COL3A1: variants seen among roughly 807,000 people sequenced by gnomAD.
COL3A1 encodes the protein collagen alpha-1(III) chain.
COL3A1 carries 46 observed loss-of-function variants against 200.9 expected under a neutral mutation model. The observed-to-expected ratio is 0.23, with a 90% CI of 0.18 to 0.29. The LOEUF (loss-of-function observed/expected upper bound fraction) is 0.29. Ranked by LOEUF, COL3A1 falls within the 10% of genes least tolerant of loss-of-function variation. The probability of loss-of-function intolerance (pLI) is 1.00; values close to 1 mark genes in which losing one functional copy is unlikely to be tolerated. For synonymous variants in COL3A1, 650 were observed against 628.0 expected (o/e 1.03, Z -0.52); for missense variants, 1,367 against 1,917.6 (o/e 0.71, Z 5.36).
intron 41 of COL3A1, 115 bp from the exon 42 acceptor site, chr2:189,006,091 C>A (rs989495727): frequency 1.8e-6 from 2 of 1,093,328 alleles, no homozygotes; most frequent in Admixed American, 2.0e-5. Context: ...TTTCTTACCC[C>A]CAAGAACCAA....
chr2:188,989,306 G>A (rs767085891), intron 7 of COL3A1, 90 bp from the exon 8 acceptor site: 1 of 885,370 alleles, frequency 1.1e-6, no homozygotes, highest in East Asian at 2.7e-5. Context: ...TCTAAAAGGA[G>A]GTTCCTTCCA....
At chr2:188,976,500 A>C (rs978406865) in intron 1 of COL3A1, among the ~76,000 whole-genome samples, 1 of 152,150 alleles carries the variant, frequency 6.6e-6, no homozygotes, top group African/African-American at 2.4e-5. Context: ...AAGACAGTAC[A>C]TCTTATGTTC....
chr2:188,974,683 G>A lies in COL3A1; in HGVS notation c.79+115G>A, dbSNP rs905026098. The A allele has an allele frequency of 6.1e-6, 5 of 820,502 alleles. No homozygotes were observed. The African/African-American group carries it at 8.4e-5, about 14-fold the overall frequency. The allele number at this position is 820,502 out of a possible 1,614,324, so 50.8% of individuals were successfully genotyped here. ...TGATTCAAGATAATTTCCTCTATAA[G>A]CTCCAGATTGTGAAACGTTGAACTG... On this transcript the variant is annotated intron_variant, in intron 1 of 50. Transcript: ENST00000304636.
chr2:189,000,813 C>T (rs943252847), intron 32 of COL3A1, among the ~76,000 whole-genome samples: 1 of 151,850 alleles, frequency 6.6e-6, no homozygotes, highest in Non-Finnish European at 1.5e-5. Flanking sequence ...AAGTCAAAAA[C>T]AAAACAAAAA....
Position 188,974,493 on chromosome 2 carries a change from A to T in COL3A1, c.4A>T (p.Met2Leu). Residue 2 changes from methionine (M) to leucine (L), a missense_variant, in exon 1 of 51, where the codon ATG (methionine) becomes TTG (leucine). Met to Leu is a conservative substitution (Grantham distance 15, BLOSUM62 2). Coordinates refer to ENST00000304636, the MANE Select transcript of COL3A1 (RefSeq NM_000090.4). ...GTCTCATGTCTGATATTTAGACATG[A>T]TGAGCTTTGTGCAAAAGGGGAGCTG... is the stretch of plus-strand genomic sequence containing the variant. M[M>L]SFVQKGSWLL... The T allele has an allele frequency of 6.2e-7, 1 of 1,613,556 alleles. No individual in the cohort carries two copies. The highest frequency in any genetic ancestry group is 8.5e-7 in the Non-Finnish European group (1 of 1,179,530).
chr2:188,990,889 T>C (rs1576463519), intron 10 of COL3A1, 115 bp from the exon 11 acceptor site: 9 of 1,007,414 alleles, frequency 8.9e-6, no homozygotes, highest in Non-Finnish European at 1.1e-5. Context: ...TTATTTAAGC[T>C]AATTTTGCAA....
At position 189,010,806 on chromosome 2, in the gene COL3A1, G is replaced by C; in HGVS notation, c.4170G>C (p.Leu1390=). The change falls in exon 50 of 51, where the codon CTG becomes CTC. Residue 1390 remains leucine, a synonymous_variant. Coordinates refer to ENST00000304636, the MANE Select transcript of COL3A1 (RefSeq NM_000090.4). The part of the protein sequence containing the change: ...DQASGNVKKA[L]KLMGSNEGEF... ...CCAGTGGAAATGTAAAGAAGGCCCT[G>C]AAGCTGATGGGGTCAAATGAAGGTG... 1 of 1,614,144 alleles carries C rather than the reference G, an allele frequency of 6.2e-7. No homozygotes were observed. Among genetic ancestry groups the C allele is most frequent in the Non-Finnish European group, 8.5e-7 (1 of 1,180,008 alleles).
intron 1 of COL3A1, among the ~76,000 whole-genome samples, chr2:188,983,687 A>G (rs1269782306): frequency 6.6e-6 from 1 of 151,930 alleles, no homozygotes; most frequent in African/African-American, 2.4e-5. Flanking sequence ...GACATTTTAA[A>G]TATCTTGGCT....
intron 34 of COL3A1, 52 bp downstream of exon 34, chr2:189,001,641 GC>G: frequency 6.3e-7 from 1 of 1,594,432 alleles, no homozygotes; most frequent in African/African-American, 1.3e-5. Context: ...ACAGACAGTA[GC>G]TACTTATGCT....
chr2:188,992,989 A>C (rs1438065694), intron 15 of COL3A1, 49 bp downstream of exon 15: 1 of 1,561,022 alleles, frequency 6.4e-7, no homozygotes, highest in Non-Finnish European at 8.8e-7. Context: ...TGGAGGCAAG[A>C]GAAAAGCATT....
rs1290472258 is a variant in COL3A1 at position 188,994,989 on chromosome 2, T to C, written c.1456-57T>C. On this transcript the variant is annotated intron_variant, in intron 20 of 50. Transcript: ENST00000304636. This position sits in a 1 kb window ranked among gnomAD's most constrained non-coding sequence, Gnocchi z 4.5. ...CATAAAAATATTTGCCACTCAAGAA[T>C]TATGAAAAAGAATTGAAATCCTTTG... 3 of 1,592,668 alleles carry C rather than the reference T, an allele frequency of 1.9e-6. No homozygotes were observed. The highest frequency in any genetic ancestry group is 2.6e-6 in the Non-Finnish European group (3 of 1,160,464).
rs61735537 is a variant in COL3A1, at chr2:189,010,265, G to A, written c.3911G>A (p.Ser1304Asn). The A allele has an allele frequency of 1.9e-6, 3 of 1,614,196 alleles. No individual in the cohort carries two copies. The highest frequency in any genetic ancestry group is 4.5e-5 in the East Asian group (2 of 44,876). Residue 1304 changes from serine to asparagine, a missense_variant, in exon 49 of 51, where the codon AGT (serine) becomes AAT (asparagine). Coordinates refer to ENST00000304636, the MANE Select transcript of COL3A1 (RefSeq NM_000090.4). ...CNMETGETCI[S>N]ANPLNVPRKH... ...ATGGAAACTGGGGAAACATGCATAA[G>A]TGCCAATCCTTTGAATGTTCCACGG...
chr2:189,008,050 A>G lies in COL3A1; in HGVS notation c.3433A>G (p.Ser1145Gly), dbSNP rs147706051. ...PAGPRGPVGP[S>G]GPPGKDGTSG... is the part of the protein sequence containing the mutation. ...ACTTTCTTAGGGACCTGTTGGACCCAGTGGACCTCCTGGCAAAGATGGAAC... is the reference window on the plus strand; with the variant it reads ...ACTTTCTTAGGGACCTGTTGGACCCGGTGGACCTCCTGGCAAAGATGGAAC... The change falls in exon 47 of 51, where the codon AGT (serine) becomes GGT (glycine). Residue 1145 changes from serine to glycine, a missense_variant. Transcript: ENST00000304636. 3.1e-6 allele frequency: 5 copies of G among 1,614,004 alleles called. No homozygotes were observed. In the African/African-American group the frequency reaches 6.7e-5, roughly 22 times the overall value.
Position 189,004,289 on chromosome 2 carries a change from C to T in COL3A1, c.2856C>T (p.Ile952=), listed in dbSNP as rs1688538152. 1.0e-5 allele frequency: 16 copies of T among 1,607,626 alleles called. No individual in the cohort carries two copies. Among genetic ancestry groups the T allele is most frequent in the Non-Finnish European group, 1.4e-5 (16 of 1,177,310 alleles). ...CAGGCCCACTTGGGATTGCTGGGAT[C>T]ACTGGAGCACGGGGTCTTGCAGGAC... ...GAPGPLGIAG[I]TGARGLAGPP... The change falls in exon 40 of 51, where the codon ATC becomes ATT. Residue 952 remains isoleucine (I), a synonymous_variant. Coordinates refer to ENST00000304636, the MANE Select transcript of COL3A1 (RefSeq NM_000090.4).
At position 188,990,109 on chromosome 2, in the gene COL3A1, G is replaced by T. The variant is rs554901115; in HGVS notation, c.704G>T (p.Arg235Ile). 1.9e-6 allele frequency: 3 copies of T among 1,613,690 alleles called. No individual in the cohort carries two copies. The South Asian group carries it at 3.3e-5, about 18-fold the overall frequency. The change falls in exon 9 of 51, where the codon AGA becomes ATA. Residue 235 changes from arginine to isoleucine, a missense_variant. By Grantham distance (97) the Arg-to-Ile change is moderately conservative (BLOSUM62 -3). Transcript: ENST00000304636. Reference sequence around the variant, plus strand: ...TTCTCTACCTAGGGAGAATCAGGTAGACCCGGACGACCTGGAGAGCGAGGA... The same window carrying T: ...TTCTCTACCTAGGGAGAATCAGGTATACCCGGACGACCTGGAGAGCGAGGA... ...GPAGKDGESG[R>I]PGRPGERGLP...
chr2:188,990,229 A>G, intron 9 of COL3A1, 78 bp from the exon 10 acceptor site: 2 of 1,579,854 alleles, frequency 1.3e-6, no homozygotes, highest in Non-Finnish European at 1.7e-6. Flanking sequence ...AATTAAACTT[A>G]AAAACAGAAA....
In COL3A1 at chr2:188,996,188, T is replaced by A. The variant is rs1445331921; in HGVS notation, c.1662+10T>A. The A allele has an allele frequency of 6.2e-7, 1 of 1,612,408 alleles. No individual in the cohort carries two copies. The highest frequency in any genetic ancestry group is 1.7e-5 in the Admixed American group (1 of 59,928). Reference sequence around the variant, plus strand: ...GAAACCAGGGCCTCCCGTATGTACATTTTTAAAATCTCATTTTAAAAGGCC... The same window carrying A: ...GAAACCAGGGCCTCCCGTATGTACAATTTTAAAATCTCATTTTAAAAGGCC... On this transcript the variant is annotated intron_variant, in intron 23 of 50. Coordinates refer to ENST00000304636, the MANE Select transcript of COL3A1 (RefSeq NM_000090.4).
chr2:188,976,893 A>G (rs759590995), intron 1 of COL3A1, among the ~76,000 whole-genome samples: 25 of 152,204 alleles, frequency 1.6e-4, no homozygotes, highest in Non-Finnish European at 3.4e-4. Flanking sequence ...TACCATTTAC[A>G]TAACGAATGC....
Position 188,974,524 on chromosome 2 carries a change from T to A in COL3A1, c.35T>A (p.Leu12His). 1 of 1,614,138 alleles carries A rather than the reference T, an allele frequency of 6.2e-7. No individual in the cohort carries two copies. Among genetic ancestry groups the A allele is most frequent in the Non-Finnish European group, 8.5e-7 (1 of 1,179,982 alleles). ...MSFVQKGSWL[L>H]LALLHPTIIL... ...TTTGTGCAAAAGGGGAGCTGGCTACTTCTCGCTCTGCTTCATCCCACTATT... is the reference window on the plus strand; with the variant it reads ...TTTGTGCAAAAGGGGAGCTGGCTACATCTCGCTCTGCTTCATCCCACTATT... Residue 12 changes from leucine (L) to histidine (H), a missense_variant, in exon 1 of 51, where the codon CTT becomes CAT. Physicochemically the swap from Leu to His is moderately conservative, Grantham distance 99 (BLOSUM62 -3). Transcript: ENST00000304636.
Sources: gnomAD v4.1 joint callset for allele counts (sites outside exome capture counted in the v4.1 genomes callset) on GRCh38, gnomAD v4.1.1 for gene constraint, Gnocchi (gnomAD v3.1) non-coding constraint, MANE v1.5 for transcripts, NCBI Gene and HGNC (gene_info 2026-07-23, HGNC 2026-07-21) for gene names.